Variants in ERBB4 observed in about 807,000 individuals in gnomAD.
ERBB4 encodes erb-b2 receptor tyrosine kinase 4, also known as receptor tyrosine-protein kinase erbB-4.
ERBB4 carries 42 observed loss-of-function variants against 158.0 expected under a neutral mutation model. The observed-to-expected ratio is 0.27, with a 90% CI of 0.21 to 0.34. The LOEUF (loss-of-function observed/expected upper bound fraction) is 0.34. Ranked by LOEUF, ERBB4 falls within the 10% of genes least tolerant of loss-of-function variation. The pLI is 1.00. For missense variants in ERBB4, 1,333 were observed against 1,624.1 expected, an observed-to-expected ratio of 0.82 and a Z score of 3.08; for synonymous variants, 583 against 558.7, an observed-to-expected ratio of 1.04 and a Z score of -0.61.
chr2:212,444,256 T>C (rs1335215469), intron 1 of ERBB4, among the ~76,000 whole-genome samples: 2 of 152,134 alleles, frequency 1.3e-5, no homozygotes, highest in Non-Finnish European at 2.9e-5. Flanking sequence ...GCACTACAGC[T>C]CCTTTCTAGG....
At chr2:212,494,237 T>C (rs1292719466) in intron 1 of ERBB4, among the ~76,000 whole-genome samples, 1 of 152,002 alleles carries the variant, frequency 6.6e-6, no homozygotes, top group Non-Finnish European at 1.5e-5. Context: ...GTATTGGTTT[T>C]ACTATTTGAA....
At chr2:212,059,415 C>G (rs1453840980) in intron 2 of ERBB4, among the ~76,000 whole-genome samples, 1 of 152,170 alleles carries the variant, frequency 6.6e-6, no homozygotes, top group Non-Finnish European at 1.5e-5. Context: ...CTACCAATGA[C>G]TTTCTTCACA....
chr2:211,438,764 G>A (rs576973965), intron 20 of ERBB4, among the ~76,000 whole-genome samples: 66 of 151,964 alleles, frequency 4.3e-4, no homozygotes, highest in Admixed American at 7.9e-4. Flanking sequence ...AGATTCATAC[G>A]GCTGTCCTGA....
In ERBB4 at chr2:212,410,435, T is replaced by G. The variant is rs558679801; in HGVS notation, c.82+128014A>C. On this transcript the variant is annotated intron_variant, in intron 1 of 27. Coordinates refer to ENST00000342788, the MANE Select transcript of ERBB4 (RefSeq NM_005235.3). The stretch of plus-strand genomic sequence containing the variant: ...TATGGAACATATGTATGTATAAATA[T>G]GGATTTCTTTTCAGGAAATCATACG... Among the ~76,000 whole-genome samples, 4 of 152,172 alleles carry G rather than the reference T, an allele frequency of 2.6e-5. No individual in the cohort carries two copies. The East Asian group carries it at 7.7e-4, about 29-fold the overall frequency.
chr2:212,441,342 G>A (rs1457926800), intron 1 of ERBB4, among the ~76,000 whole-genome samples: 1 of 152,142 alleles, frequency 6.6e-6, no homozygotes, highest in Admixed American at 6.5e-5. Flanking sequence ...CTGCTCTGCG[G>A]GAGGCAATGG....
At chr2:211,465,860 G>A (rs188457563) in intron 20 of ERBB4, among the ~76,000 whole-genome samples, 523 of 152,168 alleles carry the variant, frequency 3.4e-3, no homozygotes, top group Non-Finnish European at 4.9e-3. Context: ...AAATCCCCTG[G>A]CAACTTCCAG....
intron 1 of ERBB4, among the ~76,000 whole-genome samples, chr2:212,251,512 C>A (rs2084532457): frequency 6.6e-6 from 1 of 151,496 alleles, no homozygotes. Flanking sequence ...AAATAAAAAG[C>A]AAAAATGAGG....
At chr2:211,936,297 C>G (rs2080320229) in intron 3 of ERBB4, among the ~76,000 whole-genome samples, 1 of 151,162 alleles carries the variant, frequency 6.6e-6, no homozygotes, top group African/African-American at 2.4e-5. Context: ...TCAAAAATAC[C>G]CTTTTTATAT....
intron 1 of ERBB4, among the ~76,000 whole-genome samples, chr2:212,456,028 A>T (rs1223448163): frequency 1.3e-5 from 2 of 152,080 alleles, no homozygotes; most frequent in South Asian, 4.1e-4. Context: ...TCACCCTTGA[A>T]GGAGAATTGA....
At chr2:212,184,192 G>A (rs1383642064) in intron 1 of ERBB4, among the ~76,000 whole-genome samples, 3 of 151,968 alleles carry the variant, frequency 2.0e-5, no homozygotes, top group Non-Finnish European at 2.9e-5. Context: ...GTAGCCTGGG[G>A]CTAATTCCCA....
intron 3 of ERBB4, among the ~76,000 whole-genome samples, chr2:211,820,379 C>G (rs772159924): frequency 1.1e-4 from 17 of 151,636 alleles, no homozygotes; most frequent in Non-Finnish European, 2.2e-4. Flanking sequence ...AAGATTGAGC[C>G]AAGAAGAAAC....
At chr2:211,721,390 T>C (rs1442736501) in intron 7 of ERBB4, among the ~76,000 whole-genome samples, 1 of 143,750 alleles carries the variant, frequency 7.0e-6, no homozygotes, top group Non-Finnish European at 1.5e-5. Context: ...TGGGCATATA[T>C]AGTGATTTTT....
At chr2:211,665,249 G>C in intron 15 of ERBB4, 74 bp downstream of exon 15, 1 of 1,422,582 alleles carries the variant, frequency 7.0e-7, no homozygotes, top group Non-Finnish European at 1.0e-6. Flanking sequence ...ATACATTTCA[G>C]AGATGGTACC....
intron 4 of ERBB4, among the ~76,000 whole-genome samples, chr2:211,769,832 G>A (rs2075646876): frequency 6.6e-6 from 1 of 152,216 alleles, no homozygotes; most frequent in African/African-American, 2.4e-5. Flanking sequence ...GCTCCTGTCT[G>A]TTTTATTCTA....
At chr2:212,442,819 C>T (rs1560334445) in intron 1 of ERBB4, among the ~76,000 whole-genome samples, 1 of 152,140 alleles carries the variant, frequency 6.6e-6, no homozygotes, top group East Asian at 1.9e-4. Context: ...AAATCAAAGA[C>T]AATATCACAT....
rs376681477 is a variant in ERBB4 at position 212,012,652 on chromosome 2, A to G, written c.235-65036T>C. On this transcript the variant is annotated intron_variant, in intron 2 of 27. Transcript: ENST00000342788. Reference sequence around the variant, plus strand: ...CTGGTCCTGAACTCCTGACCCTGTGATCCACCCACCTCAGTCTCCCAAAGC... The same window carrying G: ...CTGGTCCTGAACTCCTGACCCTGTGGTCCACCCACCTCAGTCTCCCAAAGC... Among the ~76,000 whole-genome samples the G allele has an allele frequency of 1.1e-4, 16 of 152,218 alleles. No homozygotes were observed. The East Asian group carries it at 3.1e-3, about 29-fold the overall frequency.
At chr2:211,501,241 C>T (rs1400267180) in intron 20 of ERBB4, among the ~76,000 whole-genome samples, 4 of 151,468 alleles carry the variant, frequency 2.6e-5, no homozygotes, top group Admixed American at 2.0e-4. Flanking sequence ...TTAATGGGTA[C>T]AAAAATATAT....
At chr2:211,630,395 A>G (rs139235720) in intron 17 of ERBB4, 67 bp downstream of exon 17, 1 of 1,582,868 alleles carries the variant, frequency 6.3e-7, no homozygotes. Context: ...ATAATTGAAC[A>G]TCATCTAAAC....
At position 211,864,124 on chromosome 2, in the gene ERBB4, G is replaced by T. The variant is rs566007035; in HGVS notation, c.422-75965C>A. Among the ~76,000 whole-genome samples the T allele has an allele frequency of 2.5e-4, 38 of 152,262 alleles. No homozygotes were observed. The South Asian group carries it at 7.7e-3, about 31-fold the overall frequency. On this transcript the variant is annotated intron_variant, in intron 3 of 27. Transcript: ENST00000342788. ...CATCACCCAGTCTTGAAAAATCTGT[G>T]CCTGCCCCTTCAGTAGCTTTGCCAT...
Sources: gnomAD v4.1 joint callset for allele counts (sites outside exome capture counted in the v4.1 genomes callset) on GRCh38, gnomAD v4.1.1 for gene constraint, MANE v1.5 for transcripts, NCBI Gene and HGNC (gene_info 2026-07-23, HGNC 2026-07-21) for gene names.